Variants in NELL2 observed in about 807,000 individuals in gnomAD.
NELL2 encodes the protein neural EGFL like 2.
Under a neutral mutation model 109.6 loss-of-function variants are expected in NELL2, and 41 were observed. The observed-to-expected ratio is 0.37, with a 90% CI of 0.29 to 0.49. The LOEUF (loss-of-function observed/expected upper bound fraction) is 0.49, where lower values mean the gene tolerates loss of function less well. Ranked by LOEUF, NELL2 falls within the 20% of genes least tolerant of loss-of-function variation. The pLI, the probability that NELL2 is intolerant of heterozygous loss-of-function variation, is 0.98. For missense variants in NELL2, 900 were observed against 1,008.3 expected (o/e 0.89, Z 1.45); for synonymous variants, 355 against 344.7 (o/e 1.03, Z -0.33).
intron 3 of NELL2, among the ~76,000 whole-genome samples, chr12:44,793,019 CTA>C (rs1196992729): frequency 6.6e-6 from 1 of 152,090 alleles, no homozygotes; most frequent in Non-Finnish European, 1.5e-5. Flanking sequence ...TTCTAGAACA[CTA>C]TGCCACTCTG....
chr12:44,530,974 T>C (rs932739173), intron 16 of NELL2, among the ~76,000 whole-genome samples: 8 of 152,242 alleles, frequency 5.3e-5, no homozygotes, highest in African/African-American at 1.2e-4. Context: ...TAGGCATCAA[T>C]AGATAACTAA....
Position 44,714,690 on chromosome 12 carries a change from A to T in NELL2, c.1046T>A (p.Val349Asp), listed in dbSNP as rs774952981. 6.9e-6 allele frequency: 11 copies of T among 1,604,004 alleles called. No homozygotes were observed. The highest frequency in any genetic ancestry group is 2.7e-5 in the African/African-American group (2 of 74,436). The change falls in exon 10 of 20, where the codon GTC (valine) becomes GAC (aspartate). Residue 349 changes from valine to aspartate, a missense_variant. Physicochemically the swap from Val to Asp is radical, Grantham distance 152 (BLOSUM62 -3). Coordinates refer to ENST00000429094, the MANE Select transcript of NELL2 (RefSeq NM_001145108.2). Reference sequence around the variant, plus strand: ...AACACATACTCCAGAAGAGGAATAGACTGTATTTCTTTCTCCTTCAAAGTA... The same window carrying T: ...AACACATACTCCAGAAGAGGAATAGTCTGTATTTCTTTCTCCTTCAAAGTA... ...RTYFEGERNT[V>D]YSSSGVCVLY...
intron 15 of NELL2, among the ~76,000 whole-genome samples, chr12:44,556,758 T>C (rs893474940): frequency 6.6e-6 from 1 of 152,180 alleles, no homozygotes; most frequent in Admixed American, 6.5e-5. Context: ...AGAAACGCTA[T>C]GCAAAGCAAG....
At chr12:44,537,966 A>G (rs982867492) in intron 15 of NELL2, among the ~76,000 whole-genome samples, 1 of 152,204 alleles carries the variant, frequency 6.6e-6, no homozygotes, top group Non-Finnish European at 1.5e-5. Context: ...TGCACCCAAC[A>G]TTGCATATTT....
chr12:44,892,844 G>A (rs1945551786), intron 1 of NELL2, among the ~76,000 whole-genome samples: 1 of 149,952 alleles, frequency 6.7e-6, no homozygotes, highest in Non-Finnish European at 1.5e-5. Context: ...CATTAGTAAG[G>A]AGCACAATTC....
chr12:44,761,166 G>T (rs1294916978), intron 9 of NELL2, among the ~76,000 whole-genome samples: 1 of 152,034 alleles, frequency 6.6e-6, no homozygotes, highest in Non-Finnish European at 1.5e-5. Context: ...GTTCAAGACT[G>T]GCCTGACTAA....
chr12:44,737,985 G>A (rs1439861048), intron 9 of NELL2, among the ~76,000 whole-genome samples: 5 of 152,098 alleles, frequency 3.3e-5, no homozygotes, highest in Non-Finnish European at 7.4e-5. Context: ...AAACTAGTTG[G>A]TACTTGTCAA....
intron 13 of NELL2, among the ~76,000 whole-genome samples, chr12:44,664,529 A>C (rs1001137016): frequency 6.6e-6 from 1 of 152,084 alleles, no homozygotes; most frequent in Admixed American, 6.6e-5. Context: ...AACAAAGACA[A>C]AGTGATACTT....
chr12:44,680,638 A>G (rs1436304570), intron 12 of NELL2, among the ~76,000 whole-genome samples: 1 of 152,128 alleles, frequency 6.6e-6, no homozygotes, highest in Non-Finnish European at 1.5e-5. Context: ...CACTCATTAA[A>G]GCCAGCACCA....
intron 12 of NELL2, among the ~76,000 whole-genome samples, chr12:44,694,311 G>A (rs1337347128): frequency 6.6e-6 from 1 of 152,014 alleles, no homozygotes; most frequent in Non-Finnish European, 1.5e-5. Context: ...TTAGAACGTT[G>A]GTCTTCTCCT....
chr12:44,844,199 G>C (rs75829366), intron 2 of NELL2, among the ~76,000 whole-genome samples: 1 of 152,148 alleles, frequency 6.6e-6, no homozygotes. Context: ...AAACATCTCT[G>C]AAAGATTCCA....
chr12:44,869,188 T>C (rs1256640046), intron 2 of NELL2, among the ~76,000 whole-genome samples: 3 of 152,042 alleles, frequency 2.0e-5, no homozygotes, highest in Non-Finnish European at 4.4e-5. Flanking sequence ...AAGATGATAG[T>C]TCTAAATATT....
intron 9 of NELL2, among the ~76,000 whole-genome samples, chr12:44,721,755 TAA>T (rs1235288297): frequency 4.0e-5 from 6 of 151,498 alleles, no homozygotes; most frequent in Non-Finnish European, 8.8e-5. Context: ...AGTGCTCAAC[TAA>T]GAGATTACAA....
chr12:44,668,725 T>C (rs138938129), intron 12 of NELL2, among the ~76,000 whole-genome samples: 347 of 152,162 alleles, frequency 2.3e-3, no homozygotes, highest in African/African-American at 7.9e-3. Flanking sequence ...ACTACTCACA[T>C]GTACCTCTTA....
At chr12:44,622,830 T>C (rs1592223638) in intron 13 of NELL2, among the ~76,000 whole-genome samples, 2 of 152,146 alleles carry the variant, frequency 1.3e-5, no homozygotes, top group Admixed American at 1.3e-4. Context: ...ACAAAATTTA[T>C]CTTTCTTAGA....
chr12:44,882,962 T>A (rs2136860572), intron 1 of NELL2, among the ~76,000 whole-genome samples: 1 of 145,538 alleles, frequency 6.9e-6, no homozygotes, highest in African/African-American at 2.6e-5. Context: ...TGCCTTGGCC[T>A]CCCAAGTAAC....
chr12:44,617,056 A>G (rs965021956), intron 13 of NELL2, among the ~76,000 whole-genome samples: 2 of 152,146 alleles, frequency 1.3e-5, no homozygotes, highest in African/African-American at 4.8e-5. Flanking sequence ...TAGGTCTATA[A>G]GAAAAAAGTG....
At chr12:44,607,102 T>C in intron 15 of NELL2, 67 bp downstream of exon 15, 1 of 1,341,998 alleles carries the variant, frequency 7.5e-7, no homozygotes, top group Non-Finnish European at 1.0e-6. Context: ...AACATTATTT[T>C]CCTCATGGAT....
intron 12 of NELL2, among the ~76,000 whole-genome samples, chr12:44,689,652 C>CTT (rs1467605245): frequency 2.0e-5 from 3 of 152,214 alleles, no homozygotes; most frequent in African/African-American, 7.2e-5. Flanking sequence ...TGCTCCTTTT[C>CTT]TTTATTTAGT....
Sources: gnomAD v4.1 joint callset for allele counts (sites outside exome capture counted in the v4.1 genomes callset) on GRCh38, gnomAD v4.1.1 for gene constraint, MANE v1.5 for transcripts, NCBI Gene and HGNC (gene_info 2026-07-23, HGNC 2026-07-21) for gene names.